Variants in PDE4D observed in about 807,000 individuals in gnomAD.
PDE4D encodes the protein 3',5'-cyclic-AMP phosphodiesterase 4D.
Under a neutral mutation model 87.4 loss-of-function variants are expected in PDE4D, and 24 were observed. The ratio of observed to expected loss-of-function variants is 0.27; its 90% CI spans 0.20 to 0.39. The LOEUF (loss-of-function observed/expected upper bound fraction) is 0.39, where lower values mean the gene tolerates loss of function less well. PDE4D is among the 10% of genes least tolerant of loss of function. The pLI, the probability that PDE4D is intolerant of heterozygous loss-of-function variation, is 1.00. For synonymous variants in PDE4D, 384 were observed against 383.2 expected, an observed-to-expected ratio of 1.00 and a Z score of -0.02; for missense variants, 714 against 1,041.0, an observed-to-expected ratio of 0.69 and a Z score of 4.32.
At chr5:58,976,246 A>G (rs1743753463) in intron 13 of PDE4D, 104 bp downstream of exon 13, 4 of 1,225,384 alleles carry the variant, frequency 3.3e-6, no homozygotes, top group Middle Eastern at 2.0e-4. Context: ...CTGAAAGTAT[A>G]AGGTGGGAGA....
At chr5:59,319,397 C>T (rs78085833) in intron 1 of PDE4D, among the ~76,000 whole-genome samples, 5,424 of 152,150 alleles carry the variant, frequency 0.036, 312 homozygotes, top group African/African-American at 0.12. Flanking sequence ...AAACTAATCT[C>T]TGACCTTTAA....
intron 1 of PDE4D, among the ~76,000 whole-genome samples, chr5:59,244,676 G>A (rs1055135206): frequency 2.2e-5 from 2 of 90,442 alleles, no homozygotes; most frequent in Admixed American, 1.4e-4. Context: ...GTATGTGTGT[G>A]TGTCTGTGTG....
At chr5:60,272,469 G>A (rs1583273467) in intron 1 of PDE4D, among the ~76,000 whole-genome samples, 1 of 152,292 alleles carries the variant, frequency 6.6e-6, no homozygotes. Context: ...CAGCTCCCTC[G>A]AAGAAGAGAT....
At chr5:59,578,750 C>G (rs1300503831) in intron 1 of PDE4D, among the ~76,000 whole-genome samples, 1 of 152,088 alleles carries the variant, frequency 6.6e-6, no homozygotes, top group African/African-American at 2.4e-5. Flanking sequence ...CCCTCAGGCT[C>G]TCCTTCCACC....
chr5:59,703,593 G>A (rs772301555), intron 1 of PDE4D: 9 of 534,400 alleles, frequency 1.7e-5, no homozygotes, highest in East Asian at 5.5e-5. Context: ...GTCCCCAGCC[G>A]ACTTCACAAT....
At chr5:59,702,869 C>CCAAA (rs1752796589) in intron 1 of PDE4D, among the ~76,000 whole-genome samples, 3 of 69,816 alleles carry the variant, frequency 4.3e-5, no homozygotes, top group African/African-American at 1.8e-4. Flanking sequence ...GACCCTGTCT[C>CCAAA]AAAAAAAAAA....
At chr5:59,437,210 T>C (rs952168627) in intron 1 of PDE4D, among the ~76,000 whole-genome samples, 2 of 152,232 alleles carry the variant, frequency 1.3e-5, no homozygotes, top group Non-Finnish European at 2.9e-5. Flanking sequence ...CTTTATAAGC[T>C]GTTTGAATGT....
chr5:60,004,111 T>C (rs1297392330), intron 2 of PDE4D, among the ~76,000 whole-genome samples: 1 of 152,210 alleles, frequency 6.6e-6, no homozygotes, highest in East Asian at 1.9e-4. Flanking sequence ...TCTTGGTGAT[T>C]ATTATTTTAA....
intron 1 of PDE4D, among the ~76,000 whole-genome samples, chr5:59,546,300 G>A (rs1817254866): frequency 6.6e-6 from 1 of 152,044 alleles, no homozygotes; most frequent in South Asian, 2.1e-4. Context: ...ATGAGGAGGG[G>A]ACCCACAAAG....
At chr5:59,693,561 TG>T (rs781317646) in intron 1 of PDE4D, among the ~76,000 whole-genome samples, 4 of 152,172 alleles carry the variant, frequency 2.6e-5, no homozygotes, top group African/African-American at 4.8e-5. Context: ...GCAAATTCAA[TG>T]TTTACCCTTA....
chr5:60,485,686 A>C (rs1749079019), intron 1 of PDE4D, among the ~76,000 whole-genome samples: 1 of 146,386 alleles, frequency 6.8e-6, no homozygotes, highest in South Asian at 2.1e-4. Context: ...GGATAGAAGA[A>C]AGATCAACTA....
chr5:59,279,803 ATG>A (rs1223760973), intron 1 of PDE4D, among the ~76,000 whole-genome samples: 4 of 146,150 alleles, frequency 2.7e-5, no homozygotes, highest in Non-Finnish European at 5.9e-5. Context: ...ATGTATGTGT[ATG>A]TGTGTGTTTG....
intron 5 of PDE4D, among the ~76,000 whole-genome samples, chr5:59,062,756 A>T (rs1234277978): frequency 6.7e-6 from 1 of 150,030 alleles, no homozygotes; most frequent in Non-Finnish European, 1.5e-5. Context: ...GTCTGAAATA[A>T]CTTCCAGATA....
intron 1 of PDE4D, among the ~76,000 whole-genome samples, chr5:60,202,691 T>C (rs1451937003): frequency 2.0e-5 from 3 of 151,880 alleles, no homozygotes; most frequent in African/African-American, 2.4e-5. Flanking sequence ...ATTAATGATA[T>C]GGAAAAATCA....
At chr5:59,773,320 C>A (rs149453721) in intron 1 of PDE4D, among the ~76,000 whole-genome samples, 8 of 152,184 alleles carry the variant, frequency 5.3e-5, no homozygotes, top group African/African-American at 1.7e-4. Context: ...GGTGCCAGAG[C>A]CTCTATTTTG....
chr5:59,403,067 C>G (rs114741549), intron 1 of PDE4D, among the ~76,000 whole-genome samples: 64 of 151,972 alleles, frequency 4.2e-4, no homozygotes, highest in African/African-American at 1.5e-3. Context: ...GACATTATCA[C>G]CAATTTTTCT....
chr5:59,033,432 G>A (rs946915228), intron 6 of PDE4D, among the ~76,000 whole-genome samples: 4 of 152,120 alleles, frequency 2.6e-5, no homozygotes, highest in African/African-American at 7.2e-5. Context: ...CTAGAGCTAC[G>A]CTATCACAAA....
intron 1 of PDE4D, among the ~76,000 whole-genome samples, chr5:59,589,564 A>G (rs1384159604): frequency 6.6e-6 from 1 of 152,226 alleles, no homozygotes; most frequent in East Asian, 1.9e-4. Context: ...TTTTAAAAAG[A>G]TGTAAAAATA....
intron 5 of PDE4D, among the ~76,000 whole-genome samples, chr5:59,123,201 C>T (rs2153447200): frequency 6.6e-6 from 1 of 152,214 alleles, no homozygotes; most frequent in African/African-American, 2.4e-5. Context: ...GGTCTATGTG[C>T]TTGTTTATTT....
Sources: gnomAD v4.1 joint callset for allele counts (sites outside exome capture counted in the v4.1 genomes callset) on GRCh38, gnomAD v4.1.1 for gene constraint, MANE v1.5 for transcripts, NCBI Gene and HGNC (gene_info 2026-07-23, HGNC 2026-07-21) for gene names.